The following NKAIN2 variants were observed in gnomAD, a reference collection of about 807,000 sequenced individuals.
NKAIN2 encodes sodium/potassium-transporting ATPase subunit beta-1-interacting protein 2.
NKAIN2 carries 14 observed loss-of-function variants against 32.6 expected under a neutral mutation model. The ratio of observed to expected loss-of-function variants is 0.43; its 90% CI spans 0.28 to 0.67. The LOEUF (loss-of-function observed/expected upper bound fraction) is 0.67. NKAIN2 is among the 30% of genes least tolerant of loss of function. The pLI is 0.17. For missense variants in NKAIN2, 198 were observed against 258.3 expected (o/e 0.77, Z 1.60); for synonymous variants, 80 against 87.2 (o/e 0.92, Z 0.46).
At chr6:124,321,743 T>C (rs1215990069) in intron 2 of NKAIN2, among the ~76,000 whole-genome samples, 1 of 152,164 alleles carries the variant, frequency 6.6e-6, no homozygotes, top group Non-Finnish European at 1.5e-5. Context: ...AGTTCATCCC[T>C]GGACTTTGGG....
chr6:123,869,174 CTTTA>C (rs1291051199), intron 1 of NKAIN2, among the ~76,000 whole-genome samples: 1 of 152,118 alleles, frequency 6.6e-6, no homozygotes, highest in East Asian at 1.9e-4. Flanking sequence ...CTTTGAGTAG[CTTTA>C]TTTGTCATTA....
At chr6:124,581,445 CAAAAAAAAAAAAA>C (rs57280967) in intron 3 of NKAIN2, among the ~76,000 whole-genome samples, 5 of 81,438 alleles carry the variant, frequency 6.1e-5, no homozygotes, top group African/African-American at 9.7e-5. Flanking sequence ...GACTCCGTCT[CAAAAAAAAAAAAA>C]AAAAAAAAAA....
At chr6:124,321,980 T>A (rs1225133034) in intron 2 of NKAIN2, among the ~76,000 whole-genome samples, 1 of 152,202 alleles carries the variant, frequency 6.6e-6, no homozygotes, top group Non-Finnish European at 1.5e-5. Flanking sequence ...AATATATATT[T>A]CTATAAGTAA....
intron 5 of NKAIN2, among the ~76,000 whole-genome samples, chr6:124,801,621 G>A (rs1012755784): frequency 1.3e-5 from 2 of 152,204 alleles, no homozygotes; most frequent in Admixed American, 6.5e-5. Flanking sequence ...AACCAAACAG[G>A]TACCATCTTT....
intron 3 of NKAIN2, among the ~76,000 whole-genome samples, chr6:124,384,454 A>C (rs1772796910): frequency 6.6e-6 from 1 of 152,092 alleles, no homozygotes; most frequent in Admixed American, 6.6e-5. Context: ...ACTTTTTGAG[A>C]CCGCATTGAT....
intron 1 of NKAIN2, among the ~76,000 whole-genome samples, chr6:124,053,372 T>C (rs913604030): frequency 1.3e-5 from 2 of 152,044 alleles, no homozygotes; most frequent in African/African-American, 4.8e-5. Context: ...AAAAATTGAA[T>C]ACATTGTTAA....
chr6:124,103,142 G>T (rs992760217), intron 1 of NKAIN2, among the ~76,000 whole-genome samples: 9 of 152,096 alleles, frequency 5.9e-5, no homozygotes, highest in Non-Finnish European at 1.3e-4. Flanking sequence ...TTTACAGTTA[G>T]AATTAATTAT....
intron 1 of NKAIN2, among the ~76,000 whole-genome samples, chr6:124,265,720 C>A (rs549977661): frequency 6.6e-6 from 1 of 152,272 alleles, no homozygotes; most frequent in East Asian, 1.9e-4. Context: ...GCTGTAATTA[C>A]GTATGAGGCT....
chr6:124,045,914 A>G (rs1264112117), intron 1 of NKAIN2, among the ~76,000 whole-genome samples: 1 of 151,994 alleles, frequency 6.6e-6, no homozygotes, highest in Non-Finnish European at 1.5e-5. Context: ...AAATTCACAA[A>G]CTTGATTTAA....
chr6:124,710,981 T>G (rs1410168918), intron 4 of NKAIN2, among the ~76,000 whole-genome samples: 2 of 150,142 alleles, frequency 1.3e-5, no homozygotes, highest in African/African-American at 4.9e-5. Flanking sequence ...GTTGTTCCTT[T>G]CCATGTTTAG....
At chr6:123,926,143 A>C (rs1775993727) in intron 1 of NKAIN2, among the ~76,000 whole-genome samples, 1 of 152,172 alleles carries the variant, frequency 6.6e-6, no homozygotes, top group Admixed American at 6.5e-5. Flanking sequence ...ATATCATTAC[A>C]TTGTTGATGA....
chr6:124,269,522 C>G (rs376794498), intron 1 of NKAIN2, among the ~76,000 whole-genome samples: 12 of 147,360 alleles, frequency 8.1e-5, no homozygotes, highest in African/African-American at 2.3e-4. Context: ...GGCTGTGGTG[C>G]AATGGTGCGA....
intron 3 of NKAIN2, among the ~76,000 whole-genome samples, chr6:124,454,719 G>A (rs1297497510): frequency 6.6e-6 from 1 of 152,018 alleles, no homozygotes; most frequent in Non-Finnish European, 1.5e-5. Context: ...GTTCTGCTAG[G>A]AATTGTGAGC....
chr6:124,258,154 A>C (rs529324593), intron 1 of NKAIN2, among the ~76,000 whole-genome samples: 1 of 152,238 alleles, frequency 6.6e-6, no homozygotes, highest in East Asian at 1.9e-4. Flanking sequence ...AAAAAAAAAA[A>C]AAACTGAGGT....
At chr6:124,456,407 C>A (rs927435202) in intron 3 of NKAIN2, among the ~76,000 whole-genome samples, 3 of 151,664 alleles carry the variant, frequency 2.0e-5, no homozygotes, top group Non-Finnish European at 4.4e-5. Flanking sequence ...ATCTGCAGAA[C>A]AAATTCCTAA....
At chr6:124,295,554 A>G (rs1796012076) in intron 2 of NKAIN2, among the ~76,000 whole-genome samples, 2 of 152,054 alleles carry the variant, frequency 1.3e-5, no homozygotes, top group South Asian at 4.1e-4. Context: ...AGGAGAAGAA[A>G]CTCACCGATT....
chr6:124,547,243 C>G (rs570954302), intron 3 of NKAIN2, among the ~76,000 whole-genome samples: 16 of 152,114 alleles, frequency 1.1e-4, no homozygotes, highest in African/African-American at 3.4e-4. Context: ...TGCATTTGCA[C>G]AAGGATGCTA....
chr6:124,203,148 G>A (rs1014831851), intron 1 of NKAIN2, among the ~76,000 whole-genome samples: 6 of 151,840 alleles, frequency 4.0e-5, no homozygotes, highest in African/African-American at 1.4e-4. Flanking sequence ...CCTATAGAAT[G>A]TGAATGTTGT....
intron 1 of NKAIN2, among the ~76,000 whole-genome samples, chr6:124,127,625 C>T (rs1268727011): frequency 1.3e-5 from 2 of 152,058 alleles, no homozygotes; most frequent in Non-Finnish European, 2.9e-5. Flanking sequence ...GTTTGGTGAG[C>T]AGAGGGGAAA....
Sources: allele counts gnomAD v4.1 joint callset (sites outside exome capture counted in the v4.1 genomes callset), GRCh38; gene constraint gnomAD v4.1.1; transcripts MANE v1.5; gene names NCBI Gene and HGNC (gene_info 2026-07-23, HGNC 2026-07-21).